ELAPOR2: variants seen among roughly 807,000 people sequenced by gnomAD.
ELAPOR2 encodes the protein endosome-lysosome associated apoptosis and autophagy regulator family member 2.
In ELAPOR2, 89 loss-of-function variants were observed where a neutral mutation model predicts 120.7. That is an observed-to-expected ratio of 0.74 (90% CI 0.62 to 0.88). ELAPOR2 has a LOEUF of 0.88. ELAPOR2 is among the 40% of genes least tolerant of loss of function. The probability of loss-of-function intolerance (pLI) is 0.00; values close to 1 mark genes in which losing one functional copy is unlikely to be tolerated. For synonymous variants in ELAPOR2, 444 were observed against 444.9 expected (o/e 1.00, Z 0.03); for missense variants, 1,134 against 1,251.6 (o/e 0.91, Z 1.42).
chr7:87,009,946 A>G lies in ELAPOR2; in HGVS notation c.190-44922T>C, dbSNP rs142383815. Among the ~76,000 whole-genome samples, 421 of 152,190 alleles carry G rather than the reference A, an allele frequency of 2.8e-3. 1 individual carries two copies. Among genetic ancestry groups the G allele is most frequent in the African/African-American group, 9.8e-3 (407 of 41,490 alleles). ...AATCTGTATATAAAATTCTTTTTATAAACACTACCTTTGAAGGTCTTTCCA... is the reference window on the plus strand; with the variant it reads ...AATCTGTATATAAAATTCTTTTTATGAACACTACCTTTGAAGGTCTTTCCA... On this transcript the variant is annotated intron_variant, in intron 1 of 21. Transcript: ENST00000450689.
At chr7:87,030,680 G>C (rs1271285832) in intron 1 of ELAPOR2, among the ~76,000 whole-genome samples, 6 of 152,122 alleles carry the variant, frequency 3.9e-5, no homozygotes, top group Non-Finnish European at 8.8e-5. Context: ...CACAGTAGCT[G>C]CAGACAACCA....
chr7:87,028,864 C>T (rs1344205073), intron 1 of ELAPOR2, among the ~76,000 whole-genome samples: 2 of 152,192 alleles, frequency 1.3e-5, no homozygotes, highest in Admixed American at 6.6e-5. Flanking sequence ...ATTCCTGCCA[C>T]GTCCCTCTCA....
At chr7:87,002,433 A>G (rs6947910) in intron 1 of ELAPOR2, among the ~76,000 whole-genome samples, 57,400 of 151,880 alleles carry the variant, frequency 0.38, 11,677 homozygotes, top group African/African-American at 0.53. Context: ...CCAGTGATAT[A>G]TAATTGTTAC....
chr7:87,026,339 T>C (rs985217241), intron 1 of ELAPOR2, among the ~76,000 whole-genome samples: 2 of 152,082 alleles, frequency 1.3e-5, no homozygotes, highest in Admixed American at 6.6e-5. Context: ...ATGGAGAATA[T>C]GTTTACTATT....
At chr7:86,903,853 G>A (rs1788837327) in intron 18 of ELAPOR2, among the ~76,000 whole-genome samples, 1 of 152,152 alleles carries the variant, frequency 6.6e-6, no homozygotes, top group Non-Finnish European at 1.5e-5. Flanking sequence ...TCTAACTGGT[G>A]GCATCAATAA....
chr7:86,886,272 C>T (rs988743869), intron 21 of ELAPOR2, among the ~76,000 whole-genome samples: 13 of 152,104 alleles, frequency 8.5e-5, no homozygotes, highest in African/African-American at 3.1e-4. Flanking sequence ...CAGTGTTGGA[C>T]CGCATTTGAG....
At chr7:86,978,149 G>T (rs138410151) in intron 1 of ELAPOR2, among the ~76,000 whole-genome samples, 1 of 152,070 alleles carries the variant, frequency 6.6e-6, no homozygotes, top group Non-Finnish European at 1.5e-5. Context: ...AGTGAGTCTC[G>T]TGAGGTCTGA....
chr7:86,899,806 A>C (rs1014641899), intron 18 of ELAPOR2, among the ~76,000 whole-genome samples: 1 of 151,224 alleles, frequency 6.6e-6, no homozygotes, highest in Non-Finnish European at 1.5e-5. Context: ...ACAAATAGTG[A>C]CTCTGGGGAA....
intron 1 of ELAPOR2, among the ~76,000 whole-genome samples, chr7:87,022,126 C>A (rs998134146): frequency 6.6e-6 from 1 of 151,932 alleles, no homozygotes; most frequent in African/African-American, 2.4e-5. Flanking sequence ...ATGTGCACAA[C>A]ATGCAGGTTT....
chr7:86,962,394 A>G (rs983653859), intron 2 of ELAPOR2, among the ~76,000 whole-genome samples: 1 of 152,190 alleles, frequency 6.6e-6, no homozygotes, highest in Non-Finnish European at 1.5e-5. Flanking sequence ...GTTCCACACA[A>G]TCACTCTCCT....
chr7:86,958,793 T>G (rs1450293584), intron 2 of ELAPOR2, among the ~76,000 whole-genome samples: 1 of 152,254 alleles, frequency 6.6e-6, no homozygotes, highest in East Asian at 1.9e-4. Context: ...TTGTTCTTTT[T>G]GCTCAAAATC....
intron 1 of ELAPOR2, among the ~76,000 whole-genome samples, chr7:86,968,032 CA>C (rs926718589): frequency 4.0e-4 from 60 of 150,824 alleles, no homozygotes; most frequent in South Asian, 3.8e-3. Context: ...TAAAAAACAA[CA>C]AAAAAAAATC....
intron 1 of ELAPOR2, among the ~76,000 whole-genome samples, chr7:87,053,946 T>G (rs1476589597): frequency 6.6e-6 from 1 of 152,090 alleles, no homozygotes; most frequent in Non-Finnish European, 1.5e-5. Context: ...ACTGTACTTA[T>G]GGCAAATGTA....
intron 2 of ELAPOR2, among the ~76,000 whole-genome samples, chr7:86,950,714 G>A (rs192640547): frequency 3.3e-5 from 5 of 152,308 alleles, no homozygotes; most frequent in East Asian, 1.9e-4. Flanking sequence ...CTTGGCCAGC[G>A]TGGGACCCAG....
chr7:86,919,175 G>T, intron 11 of ELAPOR2, 45 bp downstream of exon 11: 1 of 1,334,120 alleles, frequency 7.5e-7, no homozygotes, highest in East Asian at 2.3e-5. Flanking sequence ...TGGGGAAACA[G>T]GTGTAAGGAT....
intron 2 of ELAPOR2, among the ~76,000 whole-genome samples, chr7:86,963,171 T>C (rs1791782104): frequency 1.3e-5 from 2 of 152,240 alleles, no homozygotes; most frequent in Non-Finnish European, 2.9e-5. Flanking sequence ...GAATCACTTT[T>C]AAGGCAAGTA....
intron 1 of ELAPOR2, among the ~76,000 whole-genome samples, chr7:86,980,310 G>C (rs1792422209): frequency 6.6e-6 from 1 of 152,196 alleles, no homozygotes; most frequent in African/African-American, 2.4e-5. Context: ...GCCAAAAATA[G>C]CACAAGAACA....
intron 8 of ELAPOR2, among the ~76,000 whole-genome samples, chr7:86,935,382 C>T (rs909030267): frequency 1.7e-4 from 26 of 152,080 alleles, no homozygotes; most frequent in African/African-American, 6.3e-4. Context: ...AAATGCTCTC[C>T]TTCCTTGGCC....
chr7:86,904,364 G>A (rs897633201), intron 18 of ELAPOR2, among the ~76,000 whole-genome samples: 5 of 152,120 alleles, frequency 3.3e-5, no homozygotes, highest in Non-Finnish European at 7.4e-5. Flanking sequence ...TTAGAGGTTT[G>A]GGAAGCCTTT....
Sources: gnomAD v4.1 joint callset for allele counts (sites outside exome capture counted in the v4.1 genomes callset) on GRCh38, gnomAD v4.1.1 for gene constraint, MANE v1.5 for transcripts, NCBI Gene and HGNC (gene_info 2026-07-23, HGNC 2026-07-21) for gene names.